TSPEAR: variants seen among roughly 807,000 people sequenced by gnomAD.
TSPEAR encodes the protein thrombospondin-type laminin G domain and EAR repeat-containing protein.
TSPEAR carries 69 observed loss-of-function variants against 71.6 expected under a neutral mutation model. That is an observed-to-expected ratio of 0.96 (90% confidence interval 0.79 to 1.18). TSPEAR has a LOEUF of 1.18. TSPEAR is among the 50% of genes most tolerant of loss of function. The pLI is 0.00. For missense variants in TSPEAR, 971 were observed against 894.9 expected, an observed-to-expected ratio of 1.09 and a Z score of -1.09; for synonymous variants, 402 against 387.2, an observed-to-expected ratio of 1.04 and a Z score of -0.45.
At chr21:44,699,261 T>C (rs1987535096) in intron 1 of TSPEAR, among the ~76,000 whole-genome samples, 1 of 149,216 alleles carries the variant, frequency 6.7e-6, no homozygotes, top group Non-Finnish European at 1.5e-5. Context: ...GAACCTGTAG[T>C]CCCAGCTACT....
chr21:44,573,786 T>C (rs1555923046), intron 1 of TSPEAR: 1 of 1,614,050 alleles, frequency 6.2e-7, no homozygotes, highest in South Asian at 1.1e-5. Context: ...CGACCTGAGC[T>C]ACAGCAGCCG....
intron 9 of TSPEAR, 32 bp from the exon 10 acceptor site, chr21:44,509,418 T>A: frequency 7.3e-7 from 1 of 1,377,858 alleles, no homozygotes; most frequent in Non-Finnish European, 9.6e-7. Flanking sequence ...TGCAGAGGTG[T>A]GGGGGAGCGG....
chr21:44,501,041 T>G (rs587634253), intron 11 of TSPEAR, among the ~76,000 whole-genome samples: 1 of 152,254 alleles, frequency 6.6e-6, no homozygotes, highest in Admixed American at 6.5e-5. Context: ...CATTTATTTT[T>G]GTGTACAATG....
intron 2 of TSPEAR, among the ~76,000 whole-genome samples, chr21:44,551,928 C>T (rs1258238237): frequency 6.6e-6 from 1 of 152,164 alleles, no homozygotes; most frequent in Non-Finnish European, 1.5e-5. Context: ...ATGGAGGTGC[C>T]TGTGTTGGGA....
At chr21:44,511,976 G>A (rs1397103491) in intron 9 of TSPEAR, among the ~76,000 whole-genome samples, 3 of 151,558 alleles carry the variant, frequency 2.0e-5, no homozygotes, top group Non-Finnish European at 4.4e-5. Flanking sequence ...TGCAGATGGG[G>A]GACCATGGAG....
chr21:44,621,401 T>A (rs587758235), intron 1 of TSPEAR, among the ~76,000 whole-genome samples: 6 of 152,346 alleles, frequency 3.9e-5, no homozygotes, highest in African/African-American at 1.4e-4. Context: ...ATCTTATTGA[T>A]GGATGGACAT....
Position 44,546,110 on chromosome 21 carries a change from A to G in TSPEAR, c.304-12187T>C, listed in dbSNP as rs1173107358. On this transcript the variant is annotated intron_variant, in intron 2 of 11. Transcript: ENST00000323084. This position sits in a 1 kb window ranked among gnomAD's most constrained non-coding sequence, Gnocchi z 4.4. ...ATGGGAATATCACTACTGACCTTAC[A>G]TTAATAAAAAGGATTATAAGGAATA... Among the ~76,000 whole-genome samples the G allele has an allele frequency of 1.3e-5, 2 of 152,222 alleles. No homozygotes were observed. Among genetic ancestry groups the G allele is most frequent in the African/African-American group, 4.8e-5 (2 of 41,458 alleles).
chr21:44,613,366 C>A (rs1315355460), intron 1 of TSPEAR, among the ~76,000 whole-genome samples: 4 of 152,216 alleles, frequency 2.6e-5, no homozygotes, highest in African/African-American at 9.6e-5. Context: ...CACGGTCACT[C>A]CCAGGAAGGC....
intron 1 of TSPEAR, among the ~76,000 whole-genome samples, chr21:44,587,647 C>T (rs1260956091): frequency 2.0e-5 from 3 of 152,174 alleles, no homozygotes; most frequent in African/African-American, 4.8e-5. Flanking sequence ...AGGCCACAGT[C>T]ACCAAAACAG....
At chr21:44,589,541 G>C (rs1275152086) in intron 1 of TSPEAR, among the ~76,000 whole-genome samples, 1 of 152,206 alleles carries the variant, frequency 6.6e-6, no homozygotes, top group Admixed American at 6.5e-5. Flanking sequence ...GTCACTTTGT[G>C]AGTGACCATT....
In TSPEAR at chr21:44,545,140, A is replaced by G. The variant is rs374724397; in HGVS notation, c.304-11217T>C. 2.3e-4 allele frequency among the ~76,000 whole-genome samples: 35 copies of G among 152,164 alleles called. No individual in the cohort carries two copies. The East Asian group carries it at 4.8e-3, about 21-fold the overall frequency. On this transcript the variant is annotated intron_variant, in intron 2 of 11. Transcript: ENST00000323084. ...CGAGACCATCCTGGCTAACATGGTGAAACCCCGTCTCTACTAAAAATACAA... is the reference window on the plus strand; with the variant it reads ...CGAGACCATCCTGGCTAACATGGTGGAACCCCGTCTCTACTAAAAATACAA...
At chr21:44,559,242 C>T (rs1478470827) in intron 2 of TSPEAR, among the ~76,000 whole-genome samples, 1 of 152,202 alleles carries the variant, frequency 6.6e-6, no homozygotes, top group African/African-American at 2.4e-5. Flanking sequence ...TTGGCCTGGC[C>T]ACACGGCGAG....
chr21:44,708,153 G>A (rs142742253), intron 1 of TSPEAR, among the ~76,000 whole-genome samples: 2 of 152,128 alleles, frequency 1.3e-5, no homozygotes, highest in African/African-American at 4.8e-5. Flanking sequence ...GCATGCATTG[G>A]GGGTAACAGG....
chr21:44,644,196 G>A (rs1260140323), intron 1 of TSPEAR, among the ~76,000 whole-genome samples: 1 of 152,170 alleles, frequency 6.6e-6, no homozygotes, highest in South Asian at 2.1e-4. Flanking sequence ...GGCCCCCAGT[G>A]GAAAGTTCCA....
intron 9 of TSPEAR, among the ~76,000 whole-genome samples, chr21:44,516,922 C>T (rs1179854659): frequency 1.3e-5 from 2 of 152,182 alleles, no homozygotes; most frequent in African/African-American, 4.8e-5. Context: ...CGAGAACGCT[C>T]CCAGCTCTCC....
chr21:44,664,764 C>G (rs1822705890), intron 1 of TSPEAR, among the ~76,000 whole-genome samples: 1 of 152,176 alleles, frequency 6.6e-6, no homozygotes, highest in Admixed American at 6.5e-5. Context: ...GAGAAAGAAA[C>G]AAATACGTCC....
chr21:44,592,497 C>T, intron 1 of TSPEAR: 1 of 1,600,724 alleles, frequency 6.2e-7, no homozygotes, highest in Non-Finnish European at 8.5e-7. Flanking sequence ...TGGGGTTGAA[C>T]TGGTGGAGGG....
chr21:44,571,994 A>G (rs458563), intron 1 of TSPEAR, among the ~76,000 whole-genome samples: 142,355 of 152,208 alleles, frequency 0.94, 66,716 homozygotes, highest in Non-Finnish European at 0.96. Context: ...GGGCAGACGC[A>G]GGACAGCTGC....
At chr21:44,559,153 G>C (rs2053597548) in intron 2 of TSPEAR, among the ~76,000 whole-genome samples, 1 of 152,220 alleles carries the variant, frequency 6.6e-6, no homozygotes, top group Non-Finnish European at 1.5e-5. Flanking sequence ...GGAGGGATGA[G>C]GTTAGGAGAA....
Sources: allele counts gnomAD v4.1 joint callset (sites outside exome capture counted in the v4.1 genomes callset), GRCh38; gene constraint gnomAD v4.1.1; non-coding constraint Gnocchi (gnomAD v3.1); transcripts MANE v1.5; gene names NCBI Gene and HGNC (gene_info 2026-07-23, HGNC 2026-07-21).